SLC25A48: variants seen among roughly 807,000 people sequenced by gnomAD.
The protein encoded by SLC25A48 is solute carrier family 25 member 48, also known as CTC-321K16.1.
SLC25A48 carries 29 observed loss-of-function variants against 32.2 expected under a neutral mutation model. The ratio of observed to expected loss-of-function variants is 0.90; its 90% CI spans 0.67 to 1.23. SLC25A48 has a LOEUF of 1.23. SLC25A48 is among the 50% of genes most tolerant of loss of function. The probability of loss-of-function intolerance (pLI) is 0.00; values close to 1 mark genes in which losing one functional copy is unlikely to be tolerated. For missense variants in SLC25A48, 399 were observed against 422.7 expected (o/e 0.94, Z 0.49); for synonymous variants, 164 against 172.3 (o/e 0.95, Z 0.38).
chr5:135,754,614 G>A (rs991937805), intron 3 of SLC25A48, among the ~76,000 whole-genome samples: 4 of 151,744 alleles, frequency 2.6e-5, no homozygotes, highest in African/African-American at 7.3e-5. Flanking sequence ...TGTACACACT[G>A]TGATTTCAAT....
At chr5:135,706,304 G>A (rs571854273) in intron 3 of SLC25A48, among the ~76,000 whole-genome samples, 1 of 152,188 alleles carries the variant, frequency 6.6e-6, no homozygotes, top group African/African-American at 2.4e-5. Context: ...CTTGAGTTGG[G>A]TGTAGGAGGT....
intron 3 of SLC25A48, among the ~76,000 whole-genome samples, chr5:135,730,188 A>G (rs942712343): frequency 6.6e-6 from 1 of 151,944 alleles, no homozygotes; most frequent in Non-Finnish European, 1.5e-5. Context: ...CCTATAACAA[A>G]CCTCTGCTGT....
chr5:135,875,777 C>T (rs7717673), intron 6 of SLC25A48: 30,251 of 152,182 alleles, frequency 0.2, 5,168 homozygotes, highest in African/African-American at 0.46. Flanking sequence ...AATAGAAGTA[C>T]AGTGGGTAGA....
intron 3 of SLC25A48, among the ~76,000 whole-genome samples, chr5:135,699,946 G>C (rs553221135): frequency 1.3e-5 from 2 of 152,186 alleles, no homozygotes; most frequent in South Asian, 2.1e-4. Context: ...TCTCTGAGGG[G>C]TTACAAAGCC....
At chr5:135,819,344 A>T (rs1757819619) in intron 4 of SLC25A48, among the ~76,000 whole-genome samples, 1 of 152,180 alleles carries the variant, frequency 6.6e-6, no homozygotes, top group Non-Finnish European at 1.5e-5. Flanking sequence ...AACATCTTCA[A>T]AACAGCTAGA....
At chr5:135,881,832 C>A (rs548900909) in intron 7 of SLC25A48, among the ~76,000 whole-genome samples, 21 of 152,290 alleles carry the variant, frequency 1.4e-4, no homozygotes, top group African/African-American at 5.1e-4. Flanking sequence ...AAATTGGGAT[C>A]CTATTCTACA....
intron 3 of SLC25A48, among the ~76,000 whole-genome samples, chr5:135,679,371 A>G (rs554732803): frequency 1.6e-4 from 24 of 152,292 alleles, no homozygotes; most frequent in African/African-American, 4.8e-4. Flanking sequence ...GGCCAGGTGG[A>G]TCTGTCCTCA....
intron 1 of SLC25A48, among the ~76,000 whole-genome samples, chr5:135,615,480 G>C (rs1435286382): frequency 6.6e-6 from 1 of 152,126 alleles, no homozygotes; most frequent in African/African-American, 2.4e-5. Context: ...TAGGGTGTCT[G>C]GTAGAAGAAA....
chr5:135,708,074 T>C (rs1754563304), intron 3 of SLC25A48, among the ~76,000 whole-genome samples: 1 of 152,196 alleles, frequency 6.6e-6, no homozygotes, highest in Non-Finnish European at 1.5e-5. Context: ...GCTGGCTCTA[T>C]GGCACTGTGA....
At chr5:135,758,230 CTA>C (rs2127015184) in intron 3 of SLC25A48, among the ~76,000 whole-genome samples, 1 of 150,818 alleles carries the variant, frequency 6.6e-6, no homozygotes, top group African/African-American at 2.4e-5. Context: ...TAGAATATCT[CTA>C]TGATATTTAT....
At chr5:135,832,554 C>T (rs898322181), upstream of SLC25A48, among the ~76,000 whole-genome samples, 1 of 152,096 alleles carries the variant, frequency 6.6e-6, no homozygotes, top group Non-Finnish European at 1.5e-5. Flanking sequence ...TTTGGAGAGC[C>T]TTCCCTGATT....
At chr5:135,622,146 C>T (rs1221978177) in intron 1 of SLC25A48, among the ~76,000 whole-genome samples, 5 of 152,092 alleles carry the variant, frequency 3.3e-5, no homozygotes, top group Admixed American at 2.0e-4. Context: ...TTTCATATTT[C>T]CAGAGGAAAA....
intron 3 of SLC25A48, 104 bp from the exon 4 acceptor site, chr5:135,852,459 T>C (rs1759949940): frequency 7.3e-7 from 1 of 1,374,334 alleles, no homozygotes; most frequent in Non-Finnish European, 1.0e-6. Flanking sequence ...CCTCTCTTCA[T>C]GGACACATGG....
intron 3 of SLC25A48, among the ~76,000 whole-genome samples, chr5:135,694,396 G>A (rs1305002521): frequency 6.6e-5 from 10 of 152,006 alleles, no homozygotes; most frequent in Non-Finnish European, 1.0e-4. Context: ...CCAGCTCCCC[G>A]TTAGAAATAT....
At chr5:135,631,897 A>G (rs1752581131) in intron 2 of SLC25A48, among the ~76,000 whole-genome samples, 1 of 152,176 alleles carries the variant, frequency 6.6e-6, no homozygotes, top group South Asian at 2.1e-4. Flanking sequence ...TTTGCTCTTT[A>G]TCTATAACAC....
chr5:135,786,832 T>C (rs1358982749), intron 3 of SLC25A48, among the ~76,000 whole-genome samples: 1 of 152,034 alleles, frequency 6.6e-6, no homozygotes, highest in Non-Finnish European at 1.5e-5. Context: ...GTACACCATG[T>C]GTTTATGCCC....
intron 1 of SLC25A48, among the ~76,000 whole-genome samples, chr5:135,598,186 A>C (rs1751704507): frequency 6.6e-6 from 1 of 152,218 alleles, no homozygotes; most frequent in Admixed American, 6.5e-5. Context: ...TATTGTAGTT[A>C]TGTTGGCTTT....
intron 3 of SLC25A48, among the ~76,000 whole-genome samples, chr5:135,674,089 G>A (rs1374282476): frequency 6.6e-6 from 1 of 151,788 alleles, no homozygotes; most frequent in Non-Finnish European, 1.5e-5. Context: ...ATATTTTTGT[G>A]TGACCCACAC....
At chr5:135,681,488 T>C (rs1465791277) in intron 3 of SLC25A48, among the ~76,000 whole-genome samples, 1 of 152,264 alleles carries the variant, frequency 6.6e-6, no homozygotes, top group Non-Finnish European at 1.5e-5. Flanking sequence ...AATGTAATGG[T>C]AATAACCTTT....
Sources: allele counts gnomAD v4.1 joint callset (sites outside exome capture counted in the v4.1 genomes callset), GRCh38; gene constraint gnomAD v4.1.1; transcripts MANE v1.5; gene names NCBI Gene and HGNC (gene_info 2026-07-23, HGNC 2026-07-21).